EFCAB6: variants seen among roughly 807,000 people sequenced by gnomAD.
EFCAB6 encodes the protein EF-hand calcium binding domain 6.
EFCAB6 carries 156 observed loss-of-function variants against 169.8 expected under a neutral mutation model. That is an observed-to-expected ratio of 0.92 (90% CI 0.81 to 1.05). The LOEUF (loss-of-function observed/expected upper bound fraction) is 1.05. Among genes scored for constraint, EFCAB6 ranks in the 50% least tolerant of loss-of-function variants. The pLI is 0.00. For missense variants in EFCAB6, 1,800 were observed against 1,829.1 expected (o/e 0.98, Z 0.29); for synonymous variants, 698 against 676.4 (o/e 1.03, Z -0.50).
chr22:43,732,075 A>G (rs952215861), intron 7 of EFCAB6, among the ~76,000 whole-genome samples: 1 of 152,190 alleles, frequency 6.6e-6, no homozygotes. Flanking sequence ...GTTGAAGAAT[A>G]CCCCAACCTA....
At chr22:43,722,758 G>A (rs2059584199) in intron 8 of EFCAB6, among the ~76,000 whole-genome samples, 1 of 152,068 alleles carries the variant, frequency 6.6e-6, no homozygotes, top group Non-Finnish European at 1.5e-5. Flanking sequence ...GCACTCATAT[G>A]TTCATTGTAG....
At chr22:43,612,962 A>G (rs2053424442) in intron 21 of EFCAB6, among the ~76,000 whole-genome samples, 1 of 150,524 alleles carries the variant, frequency 6.6e-6, no homozygotes, top group Non-Finnish European at 1.5e-5. Flanking sequence ...GAACGCTTAT[A>G]TACTGTTGGT....
At chr22:43,668,085 G>A (rs1161411400) in intron 16 of EFCAB6, among the ~76,000 whole-genome samples, 3 of 152,082 alleles carry the variant, frequency 2.0e-5, no homozygotes, top group Non-Finnish European at 2.9e-5. Context: ...TATTTAACCC[G>A]TCTCTTAAAA....
chr22:43,597,261 C>A (rs1030372794), intron 23 of EFCAB6, among the ~76,000 whole-genome samples: 1 of 152,120 alleles, frequency 6.6e-6, no homozygotes, highest in Non-Finnish European at 1.5e-5. Context: ...GGGATTACAT[C>A]AAGCTGAAAA....
At chr22:43,543,788 G>A (rs547011392) in intron 27 of EFCAB6, among the ~76,000 whole-genome samples, 4 of 152,138 alleles carry the variant, frequency 2.6e-5, no homozygotes, top group Non-Finnish European at 5.9e-5. Context: ...GCAAGAGAGG[G>A]AAAGGGACCC....
At chr22:43,564,487 C>T (rs1294312288) in intron 26 of EFCAB6, among the ~76,000 whole-genome samples, 1 of 151,742 alleles carries the variant, frequency 6.6e-6, no homozygotes, top group South Asian at 2.1e-4. Context: ...GTGCTGTCCT[C>T]CCTGGCGTCT....
At chr22:43,717,099 C>A in intron 8 of EFCAB6, 127 bp from the exon 9 acceptor site, 1 of 1,210,250 alleles carries the variant, frequency 8.3e-7, no homozygotes, top group Non-Finnish European at 1.1e-6. Flanking sequence ...AAATGATGAA[C>A]CATCTGATTA....
intron 4 of EFCAB6, among the ~76,000 whole-genome samples, chr22:43,766,476 A>T (rs1224384020): frequency 6.6e-6 from 1 of 152,210 alleles, no homozygotes; most frequent in African/African-American, 2.4e-5. Flanking sequence ...ATGAGGGTAT[A>T]TGGGCATTAT....
At chr22:43,580,727 A>G (rs926994319) in intron 24 of EFCAB6, 68 bp from the exon 25 acceptor site, 1 of 1,540,936 alleles carries the variant, frequency 6.5e-7, no homozygotes, top group African/African-American at 1.4e-5. Flanking sequence ...TTCATTCAAC[A>G]GTTGCTGAGC....
chr22:43,539,778 C>T (rs1457495070), intron 28 of EFCAB6, among the ~76,000 whole-genome samples: 3 of 152,182 alleles, frequency 2.0e-5, no homozygotes, highest in South Asian at 2.1e-4. Context: ...GACGGTGGCC[C>T]GCAGTTGACC....
rs566997450 is a variant in EFCAB6, at chr22:43,708,603, A to G, written c.1031+2872T>C. ...ATTTTAAAACATATAGATATATGCT[A>G]TTTAATAAGAAATACCTAAAATATC... On this transcript the variant is annotated intron_variant, in intron 10 of 31. Coordinates refer to ENST00000262726, the MANE Select transcript of EFCAB6 (RefSeq NM_022785.4). 2.0e-5 allele frequency among the ~76,000 whole-genome samples: 3 copies of G among 152,322 alleles called. No individual in the cohort carries two copies. In the South Asian group the frequency reaches 6.2e-4, roughly 32 times the overall value.
At chr22:43,690,439 C>A (rs535118500) in intron 10 of EFCAB6, among the ~76,000 whole-genome samples, 1 of 151,494 alleles carries the variant, frequency 6.6e-6, no homozygotes, top group Non-Finnish European at 1.5e-5. Flanking sequence ...TGGCGTGAAC[C>A]CAGGAGGCGG....
intron 2 of EFCAB6, among the ~76,000 whole-genome samples, chr22:43,788,319 T>C (rs2062153618): frequency 6.6e-6 from 1 of 152,160 alleles, no homozygotes. Context: ...ATAAATTATT[T>C]GCCAATCATA....
At chr22:43,756,257 A>G (rs911378879) in intron 5 of EFCAB6, among the ~76,000 whole-genome samples, 1 of 152,154 alleles carries the variant, frequency 6.6e-6, no homozygotes, top group East Asian at 1.9e-4. Flanking sequence ...GAGGAAGTGG[A>G]GGCGCCAGCA....
At chr22:43,561,025 T>G (rs1370367043) in intron 26 of EFCAB6, among the ~76,000 whole-genome samples, 1 of 152,190 alleles carries the variant, frequency 6.6e-6, no homozygotes, top group African/African-American at 2.4e-5. Flanking sequence ...ACTCTTTTCC[T>G]GCTTGCAAAA....
At position 43,620,017 on chromosome 22, in the gene EFCAB6, T is replaced by C. The variant is rs148491331; in HGVS notation, c.2466-4095A>G. Reference sequence around the variant, plus strand: ...GAAAAACTAAAGATCAAAAAAATCATCTCTAAAGTAGCCTGAATGGTCTGG... The same window carrying C: ...GAAAAACTAAAGATCAAAAAAATCACCTCTAAAGTAGCCTGAATGGTCTGG... On this transcript the variant is annotated intron_variant, in intron 20 of 31. Transcript: ENST00000262726. 4.8e-3 allele frequency among the ~76,000 whole-genome samples: 735 copies of C among 152,224 alleles called. 6 individuals are homozygous for C. The highest frequency in any genetic ancestry group is 0.014 in the African/African-American group (600 of 41,542).
chr22:43,608,364 A>G (rs1407399139), intron 22 of EFCAB6, 118 bp downstream of exon 22: 3 of 821,522 alleles, frequency 3.7e-6, no homozygotes, highest in Non-Finnish European at 5.9e-6. Context: ...GATGCAACCA[A>G]GAGAAAATAC....
At position 43,804,327 on chromosome 22, in the gene EFCAB6, C is replaced by T. The variant is rs1301399022; in HGVS notation, c.-8+4668G>A. On this transcript the variant is annotated intron_variant, in intron 2 of 31. Coordinates refer to ENST00000262726, the MANE Select transcript of EFCAB6 (RefSeq NM_022785.4). ...TCTATGGGCTACAGCAAAAGCAGTA[C>T]TAAGAAGGAAGTTTATAATAATAAA... is the stretch of plus-strand genomic sequence containing the variant. Among the ~76,000 whole-genome samples, 16 of 151,724 alleles carry T rather than the reference C, an allele frequency of 1.1e-4. 1 individual carries two copies. The highest frequency in any genetic ancestry group is 1.1e-3 in the Admixed American group (16 of 15,238).
At chr22:43,662,357 T>C (rs1175495662) in intron 17 of EFCAB6, among the ~76,000 whole-genome samples, 1 of 151,848 alleles carries the variant, frequency 6.6e-6, no homozygotes, top group Non-Finnish European at 1.5e-5. Context: ...TGATCCGGGG[T>C]AGGCAGCCAC....
Sources: allele counts gnomAD v4.1 joint callset (sites outside exome capture counted in the v4.1 genomes callset), GRCh38; gene constraint gnomAD v4.1.1; transcripts MANE v1.5; gene names NCBI Gene and HGNC (gene_info 2026-07-23, HGNC 2026-07-21).